The following GPC5 variants were observed in gnomAD, a reference collection of about 807,000 sequenced individuals.
GPC5 encodes glypican 5.
In GPC5, 47 loss-of-function variants were observed where a neutral mutation model predicts 53.9. The ratio of observed to expected loss-of-function variants is 0.87; its 90% CI spans 0.69 to 1.11. GPC5 has a LOEUF of 1.11. Among genes scored for constraint, GPC5 ranks in the 50% most tolerant of loss-of-function variants. The pLI is 0.00. For missense variants in GPC5, 748 were observed against 713.1 expected (o/e 1.05, Z -0.56); for synonymous variants, 286 against 263.3 (o/e 1.09, Z -0.84).
chr13:92,229,795 A>C (rs1410045207), intron 7 of GPC5, among the ~76,000 whole-genome samples: 1 of 152,080 alleles, frequency 6.6e-6, no homozygotes, highest in East Asian at 1.9e-4. Flanking sequence ...AATAGTAGAG[A>C]TATTTCATAT....
rs114028987 is a variant in GPC5, at chr13:92,564,062, T to A, written c.1562-302220T>A. On this transcript the variant is annotated intron_variant, in intron 7 of 7. Coordinates refer to ENST00000377067, the MANE Select transcript of GPC5 (RefSeq NM_004466.6). ...AAAGTCTCAGATTTTTACTGTGCTA[T>A]TGCCAAGTATATAGAGAGAAATAAT... Among the ~76,000 whole-genome samples, 673 of 152,160 alleles carry A rather than the reference T, an allele frequency of 4.4e-3. 6 individuals carry two copies. The highest frequency in any genetic ancestry group is 0.015 in the African/African-American group (626 of 41,556).
chr13:92,358,163 C>T (rs2139277419), intron 7 of GPC5, among the ~76,000 whole-genome samples: 1 of 151,872 alleles, frequency 6.6e-6, no homozygotes, highest in East Asian at 1.9e-4. Context: ...TCTGCCATAA[C>T]AATTGGCTAC....
chr13:91,465,002 C>T (rs1276366963), intron 2 of GPC5, among the ~76,000 whole-genome samples: 2 of 152,106 alleles, frequency 1.3e-5, no homozygotes, highest in South Asian at 2.1e-4. Context: ...GAATCTATAT[C>T]GTTTCAAAAC....
intron 7 of GPC5, among the ~76,000 whole-genome samples, chr13:92,716,600 T>C (rs922177672): frequency 6.6e-6 from 1 of 152,138 alleles, no homozygotes; most frequent in Non-Finnish European, 1.5e-5. Flanking sequence ...CTTTATAGTA[T>C]CTGGCACAAT....
At chr13:91,949,972 TAGG>T (rs1399329380) in intron 6 of GPC5, among the ~76,000 whole-genome samples, 1 of 152,180 alleles carries the variant, frequency 6.6e-6, no homozygotes, top group Non-Finnish European at 1.5e-5. Context: ...TGGACTGAAC[TAGG>T]AGAAGAGCCT....
intron 7 of GPC5, among the ~76,000 whole-genome samples, chr13:92,230,102 T>G (rs1422525018): frequency 6.6e-6 from 1 of 152,168 alleles, no homozygotes; most frequent in African/African-American, 2.4e-5. Context: ...TCATTGATCA[T>G]CAGGTCCAGA....
chr13:92,517,971 G>C (rs895502594), intron 7 of GPC5, among the ~76,000 whole-genome samples: 9 of 152,130 alleles, frequency 5.9e-5, no homozygotes, highest in African/African-American at 2.2e-4. Flanking sequence ...CCAGTGTAGA[G>C]AAGTCCTTAA....
chr13:91,570,728 T>G (rs1012660232), intron 2 of GPC5, among the ~76,000 whole-genome samples: 2 of 152,188 alleles, frequency 1.3e-5, no homozygotes, highest in Non-Finnish European at 2.9e-5. Flanking sequence ...TGTGCTATGT[T>G]TTAAAAATTA....
rs1427051180 is a variant in GPC5, at chr13:91,906,993, A to T, written c.1281-944A>T. ...CAGTTATATATTTTTTATATATTTT[A>T]TATATATATATATGCCACATGTGTG... On this transcript the variant is annotated intron_variant, in intron 5 of 7. Transcript: ENST00000377067. Among the ~76,000 whole-genome samples the T allele has an allele frequency of 4.7e-5, 7 of 148,450 alleles. No individual in the cohort carries two copies. The South Asian group carries it at 8.3e-4, about 18-fold the overall frequency.
At chr13:92,301,047 A>C (rs2043071800) in intron 7 of GPC5, among the ~76,000 whole-genome samples, 1 of 152,240 alleles carries the variant, frequency 6.6e-6, no homozygotes, top group Non-Finnish European at 1.5e-5. Context: ...AGAGTAGCCT[A>C]GTAGCACATA....
At chr13:91,562,820 A>G (rs1292122098) in intron 2 of GPC5, among the ~76,000 whole-genome samples, 1 of 151,928 alleles carries the variant, frequency 6.6e-6, no homozygotes, top group African/African-American at 2.4e-5. Flanking sequence ...ACTTTCTTAC[A>G]AGACTTCTGT....
intron 7 of GPC5, among the ~76,000 whole-genome samples, chr13:92,225,497 G>T (rs1344518317): frequency 6.6e-6 from 1 of 152,100 alleles, no homozygotes; most frequent in Non-Finnish European, 1.5e-5. Flanking sequence ...ATATCTGAGG[G>T]GAAGTGTTGA....
chr13:92,197,576 C>T (rs1487726440), intron 7 of GPC5, among the ~76,000 whole-genome samples: 1 of 152,014 alleles, frequency 6.6e-6, no homozygotes, highest in Non-Finnish European at 1.5e-5. Flanking sequence ...CAGCTCATGG[C>T]AGCCTCAACC....
At chr13:92,702,306 A>G (rs1407140758) in intron 7 of GPC5, among the ~76,000 whole-genome samples, 1 of 152,040 alleles carries the variant, frequency 6.6e-6, no homozygotes, top group African/African-American at 2.4e-5. Context: ...ATGTCTCTGA[A>G]TTCTTGATTG....
At chr13:92,028,497 C>T (rs1442581328) in intron 6 of GPC5, among the ~76,000 whole-genome samples, 2 of 152,072 alleles carry the variant, frequency 1.3e-5, no homozygotes, top group Non-Finnish European at 2.9e-5. Flanking sequence ...AAATTAATTT[C>T]TAATTGTCGA....
intron 1 of GPC5, among the ~76,000 whole-genome samples, chr13:91,434,415 C>T (rs1879749172): frequency 6.6e-6 from 1 of 152,140 alleles, no homozygotes; most frequent in Non-Finnish European, 1.5e-5. Flanking sequence ...CAGCTTTCTA[C>T]ATATGGCTAG....
Position 92,289,657 on chromosome 13 carries a change from T to C in GPC5, c.1561+144668T>C, listed in dbSNP as rs866997889. On this transcript the variant is annotated intron_variant, in intron 7 of 7. Transcript: ENST00000377067. ...TATGGATTATCTCAAATAATAATCA[T>C]AGTAAATCTATGAGGATGAGTACGC... 2.6e-5 allele frequency among the ~76,000 whole-genome samples: 4 copies of C among 152,000 alleles called. No homozygotes were observed. The South Asian group carries it at 8.3e-4, about 31-fold the overall frequency.
chr13:92,795,743 G>C (rs1439839123), intron 7 of GPC5, among the ~76,000 whole-genome samples: 1 of 152,012 alleles, frequency 6.6e-6, no homozygotes, highest in Non-Finnish European at 1.5e-5. Context: ...TTTATGCAGT[G>C]AACAGACACA....
chr13:92,015,585 C>T (rs2040699630), intron 6 of GPC5, among the ~76,000 whole-genome samples: 1 of 152,044 alleles, frequency 6.6e-6, no homozygotes, highest in African/African-American at 2.4e-5. Context: ...GGTAGTAAAA[C>T]TCAAAGAGAT....
Sources: gnomAD v4.1 joint callset for allele counts (sites outside exome capture counted in the v4.1 genomes callset) on GRCh38, gnomAD v4.1.1 for gene constraint, MANE v1.5 for transcripts, NCBI Gene and HGNC (gene_info 2026-07-23, HGNC 2026-07-21) for gene names.